PCP4: variants seen among roughly 807,000 people sequenced by gnomAD.
The protein encoded by PCP4 is calmodulin regulator protein PCP4.
PCP4 carries 8 observed loss-of-function variants against 10.0 expected under a neutral mutation model. The observed-to-expected ratio is 0.80, with a 90% CI of 0.47 to 1.45. The LOEUF is 1.45. Ranked by LOEUF, PCP4 falls within the 40% of genes most tolerant of loss-of-function variation. PCP4 has a pLI of 0.00. For synonymous variants in PCP4, 21 were observed against 23.0 expected (o/e 0.91, Z 0.24); for missense variants, 54 against 74.4 (o/e 0.73, Z 1.01).
At chr21:39,879,914 A>C (rs571834443) in intron 1 of PCP4, among the ~76,000 whole-genome samples, 2 of 152,194 alleles carry the variant, frequency 1.3e-5, no homozygotes, top group African/African-American at 4.8e-5. Context: ...GGACAGCAAC[A>C]TATCAGACCA....
At chr21:39,919,990 T>G (rs897086317) in intron 2 of PCP4, among the ~76,000 whole-genome samples, 1 of 148,102 alleles carries the variant, frequency 6.8e-6, no homozygotes, top group East Asian at 2.0e-4. Flanking sequence ...GGTGTGTGTG[T>G]GGGGTGTGTT....
At chr21:39,903,335 G>A (rs1412977954) in intron 2 of PCP4, among the ~76,000 whole-genome samples, 2 of 152,190 alleles carry the variant, frequency 1.3e-5, no homozygotes, top group African/African-American at 4.8e-5. Context: ...GAAGGTGTAT[G>A]AACACACCTG....
chr21:39,882,373 G>C (rs927000934), intron 1 of PCP4, among the ~76,000 whole-genome samples: 1 of 152,150 alleles, frequency 6.6e-6, no homozygotes, highest in Non-Finnish European at 1.5e-5. Context: ...CAGCTGTTGC[G>C]GCATTTCATC....
chr21:39,928,580 A>G (rs1240865258), intron 2 of PCP4, among the ~76,000 whole-genome samples: 1 of 152,114 alleles, frequency 6.6e-6, no homozygotes, highest in Non-Finnish European at 1.5e-5. Flanking sequence ...TCAGTATATG[A>G]CTCTGCTGAC....
At chr21:39,923,947 G>C (rs1406157424) in intron 2 of PCP4, among the ~76,000 whole-genome samples, 1 of 152,150 alleles carries the variant, frequency 6.6e-6, no homozygotes, top group Non-Finnish European at 1.5e-5. Flanking sequence ...TGTATCGGTC[G>C]GCAGTGGGAA....
rs67572508 is a variant in PCP4 at position 39,903,876 on chromosome 21, C to CAAAAAAAAAAA, written c.61+5359_61+5369dup. 8.1e-4 allele frequency among the ~76,000 whole-genome samples: 77 copies of CAAAAAAAAAAA among 95,456 alleles called. 1 individual carries two copies. The highest frequency in any genetic ancestry group is 1.1e-3 in the Non-Finnish European group (54 of 48,060). 62.6% of individuals were successfully genotyped at this position (95,456 alleles called of 152,430 possible). On this transcript the variant is annotated intron_variant, in intron 2 of 2. Coordinates refer to ENST00000328619, the MANE Select transcript of PCP4 (RefSeq NM_006198.3). The stretch of plus-strand genomic sequence containing the variant: ...GAGTGGGACTCCGTCTCAAAAAAAA[C>CAAAAAAAAAAA]AAAAAAAAAAAAAAAAAAAAGACTT...
chr21:39,924,420 C>A (rs76979442), intron 2 of PCP4, among the ~76,000 whole-genome samples: 4,547 of 152,264 alleles, frequency 0.03, 101 homozygotes, highest in Non-Finnish European at 0.049. Flanking sequence ...AATCCATAGA[C>A]CCACTTCTGC....
chr21:39,882,840 C>G (rs1199746286), intron 1 of PCP4, among the ~76,000 whole-genome samples: 1 of 152,216 alleles, frequency 6.6e-6, no homozygotes, highest in Non-Finnish European at 1.5e-5. Context: ...TGGCATCGGG[C>G]TGGTCAGCCA....
intron 2 of PCP4, among the ~76,000 whole-genome samples, chr21:39,900,945 TAATA>T (rs2087479920): frequency 6.6e-6 from 1 of 152,084 alleles, no homozygotes; most frequent in Non-Finnish European, 1.5e-5. Flanking sequence ...AAAAATAAAA[TAATA>T]AACCCACTAC....
chr21:39,904,384 T>C (rs2087496635), intron 2 of PCP4, among the ~76,000 whole-genome samples: 1 of 152,144 alleles, frequency 6.6e-6, no homozygotes, highest in Admixed American at 6.5e-5. Flanking sequence ...TCAACTCTCC[T>C]TGGTATGTGG....
chr21:39,897,820 A>C (rs1014442321), intron 1 of PCP4, among the ~76,000 whole-genome samples: 23 of 152,102 alleles, frequency 1.5e-4, no homozygotes, highest in African/African-American at 5.5e-4. Flanking sequence ...GCTGAGGTGG[A>C]TGGATTATGA....
intron 1 of PCP4, among the ~76,000 whole-genome samples, chr21:39,894,769 T>C (rs2837271): frequency 0.013 from 1,988 of 152,318 alleles, 143 homozygotes; most frequent in Admixed American, 0.12. Context: ...CTACTTCTGT[T>C]CAGTCGGCAA....
intron 2 of PCP4, among the ~76,000 whole-genome samples, chr21:39,925,768 G>A (rs939196827): frequency 6.6e-6 from 1 of 152,098 alleles, no homozygotes; most frequent in Non-Finnish European, 1.5e-5. Flanking sequence ...CGGGAGTGAT[G>A]GGGCTGGGGA....
At chr21:39,894,405 A>G (rs1288179597) in intron 1 of PCP4, among the ~76,000 whole-genome samples, 1 of 152,212 alleles carries the variant, frequency 6.6e-6, no homozygotes, top group Non-Finnish European at 1.5e-5. Flanking sequence ...ATCTGAATGC[A>G]TATTCATGAA....
chr21:39,867,477 A>G lies in PCP4; in HGVS notation c.-25A>G. On this transcript the variant is annotated 5_prime_UTR_variant, in exon 1 of 3. Transcript: ENST00000328619. ...AGTGTTCTCTGTGCTGAGCGGCGGG[A>G]CTGAGCTGTTGAGTTAGAGCCAACA... The G allele has an allele frequency of 1.9e-6, 3 of 1,614,002 alleles. No individual in the cohort carries two copies.
chr21:39,905,708 C>A (rs1017397950), intron 2 of PCP4, among the ~76,000 whole-genome samples: 2 of 152,140 alleles, frequency 1.3e-5, no homozygotes, highest in African/African-American at 4.8e-5. Flanking sequence ...GCGGAGATTC[C>A]TACCCATCTC....
intron 2 of PCP4, 91 bp from the exon 3 acceptor site, chr21:39,928,893 G>A: frequency 7.7e-7 from 1 of 1,302,084 alleles, no homozygotes; most frequent in Non-Finnish European, 1.1e-6. Context: ...GCCCCAAGGT[G>A]GACTTCCTGG....
intron 2 of PCP4, among the ~76,000 whole-genome samples, chr21:39,921,607 G>GAAGCTCTAACCTCTGGTACCCCAGATTGT (rs2087596896): frequency 6.6e-6 from 1 of 152,164 alleles, no homozygotes; most frequent in Non-Finnish European, 1.5e-5. Flanking sequence ...TTAATATGTG[G>GAAGCTCTAACCTCTGGTACCCCAGATTGT]AAGCTCTAAC....
At chr21:39,869,742 G>C (rs902830961) in intron 1 of PCP4, among the ~76,000 whole-genome samples, 5 of 152,178 alleles carry the variant, frequency 3.3e-5, no homozygotes, top group Non-Finnish European at 5.9e-5. Flanking sequence ...CTCCTTTCTG[G>C]GTAGAGAACT....
Sources: allele counts gnomAD v4.1 joint callset (sites outside exome capture counted in the v4.1 genomes callset), GRCh38; gene constraint gnomAD v4.1.1; transcripts MANE v1.5; gene names NCBI Gene and HGNC (gene_info 2026-07-23, HGNC 2026-07-21).